The following UGT1A6 variants were observed in gnomAD, a reference collection of about 807,000 sequenced individuals.
UGT1A6 encodes UDP-glucuronosyltransferase 1A6.
Under a neutral mutation model 44.4 loss-of-function variants are expected in UGT1A6, and 32 were observed. That is an observed-to-expected ratio of 0.72 (90% confidence interval 0.54 to 0.97). The LOEUF is 0.97. UGT1A6 is among the 50% of genes least tolerant of loss of function. The pLI is 0.00. For synonymous variants in UGT1A6, 238 were observed against 248.5 expected (o/e 0.96, Z 0.40); for missense variants, 685 against 661.9 (o/e 1.03, Z -0.38).
chr2:233,768,157 G>GGTGTGTCC lies in UGT1A6; in HGVS notation c.1082-63_1082-62insGTGTGTCC, dbSNP rs1279074414. 1.9e-6 allele frequency: 3 copies of GGTGTGTCC among 1,612,962 alleles called. No homozygotes were observed. The African/African-American group carries it at 4.0e-5, about 22-fold the overall frequency. On this transcript the variant is annotated intron_variant, in intron 3 of 4. Transcript: ENST00000305139. ...GTCTTTGGAGTGTTTTCAGAACCTA[G>GGTGTGTCC]ATGTGTCCAGCTGTGAAACTCAGAG...
At position 233,769,266 on chromosome 2, in the gene UGT1A6, CA is replaced by C. The variant is rs1253780369; in HGVS notation, c.1301+830del. ...CTCAAATGTGGCCCTGAAAACGATT[CA>C]AAGGGCAAATGATTTCTGGATTAAA... is the stretch of plus-strand genomic sequence containing the variant. On this transcript the variant is annotated intron_variant, in intron 4 of 4. Coordinates refer to ENST00000305139, the MANE Select transcript of UGT1A6 (RefSeq NM_001072.4). The surrounding 1 kb of genome is among the most constrained non-coding windows in gnomAD (Gnocchi z 4.4). Among the ~76,000 whole-genome samples, 1 of 152,194 alleles carries C rather than the reference CA, an allele frequency of 6.6e-6. No individual in the cohort carries two copies. The highest frequency in any genetic ancestry group is 1.5e-5 in the Non-Finnish European group (1 of 68,034).
At chr2:233,695,416 G>A (rs2075286623) in intron 1 of UGT1A6, among the ~76,000 whole-genome samples, 1 of 143,254 alleles carries the variant, frequency 7.0e-6, no homozygotes, top group Non-Finnish European at 1.6e-5. Context: ...GAGCTACCGC[G>A]CCCGGCCTTC....
intron 1 of UGT1A6, among the ~76,000 whole-genome samples, chr2:233,704,481 T>A (rs555763956): frequency 1.3e-5 from 2 of 152,310 alleles, no homozygotes; most frequent in African/African-American, 2.4e-5. Flanking sequence ...CTCCCCTTTT[T>A]ATGATATTAT....
At position 233,718,978 on chromosome 2, in the gene UGT1A6, C is replaced by G. The variant is rs200639166; in HGVS notation, c.861+25113C>G. 2.5e-6 allele frequency: 4 copies of G among 1,614,214 alleles called. No individual in the cohort carries two copies. Among genetic ancestry groups the G allele is most frequent in the Admixed American group, 3.3e-5 (2 of 60,032 alleles). The stretch of plus-strand genomic sequence containing the variant: ...CGGGAGGCCTTGCGGGAGCTCCATG[C>G]CAGAGGCCACCAGGCGGTGGTCCTC... On this transcript the variant is annotated intron_variant, in intron 1 of 4. Coordinates refer to ENST00000305139, the MANE Select transcript of UGT1A6 (RefSeq NM_001072.4).
intron 1 of UGT1A6, chr2:233,760,635 A>G (rs1697508597): frequency 6.2e-7 from 1 of 1,614,006 alleles, no homozygotes; most frequent in African/African-American, 1.3e-5. Context: ...ACAAGAAAAT[A>G]AAAAAGGACT....
chr2:233,739,615 T>G (rs1449918072), intron 1 of UGT1A6, among the ~76,000 whole-genome samples: 1 of 152,228 alleles, frequency 6.6e-6, no homozygotes, highest in Non-Finnish European at 1.5e-5. Context: ...TTGGCCAGTT[T>G]CTCCCATTTG....
intron 1 of UGT1A6, among the ~76,000 whole-genome samples, chr2:233,695,554 A>G (rs1000632787): frequency 6.6e-6 from 1 of 151,596 alleles, no homozygotes; most frequent in Non-Finnish European, 1.5e-5. Flanking sequence ...AATTTTAACC[A>G]ACCATTTTCA....
At chr2:233,768,032 T>A in intron 3 of UGT1A6, 96 bp downstream of exon 3, 1 of 1,612,548 alleles carries the variant, frequency 6.2e-7, no homozygotes, top group Non-Finnish European at 8.5e-7. Flanking sequence ...AGCTTGAAAA[T>A]ATTATGGCCA....
At position 233,693,425 on chromosome 2, in the gene UGT1A6, G is replaced by C; in HGVS notation, c.421G>C (p.Glu141Gln). 1 of 1,614,078 alleles carries C rather than the reference G, an allele frequency of 6.2e-7. No homozygotes were observed. The highest frequency in any genetic ancestry group is 1.1e-5 in the South Asian group (1 of 91,058). ...CAGGGACACCCTGAACTTCTTTAAG[G>C]AGAGCAAGTTTGATGCTCTTTTCAC... ...QDRDTLNFFK[E>Q]SKFDALFTDP... is the part of the protein sequence containing the mutation. The change falls in exon 1 of 5, where the codon GAG becomes CAG. Residue 141 changes from glutamate to glutamine, a missense_variant. By Grantham distance (29) the Glu-to-Gln change is conservative. Coordinates refer to ENST00000305139, the MANE Select transcript of UGT1A6 (RefSeq NM_001072.4).
chr2:233,717,899 T>G, intron 1 of UGT1A6: 1 of 454,812 alleles, frequency 2.2e-6, no homozygotes, highest in Non-Finnish European at 4.4e-6. Flanking sequence ...ATCTTCAGGA[T>G]GAAATAAAGG....
intron 1 of UGT1A6, among the ~76,000 whole-genome samples, chr2:233,758,476 T>C (rs926458629): frequency 1.3e-5 from 2 of 152,218 alleles, no homozygotes; most frequent in Non-Finnish European, 2.9e-5. Context: ...AGGTTTAAAT[T>C]AAACTGTGAA....
At position 233,713,454 on chromosome 2, in the gene UGT1A6, C is replaced by A. The variant is rs776428029; in HGVS notation, c.861+19589C>A. 66 of 1,614,072 alleles carry A rather than the reference C, an allele frequency of 4.1e-5. 1 individual carries two copies. The highest frequency in any genetic ancestry group is 3.1e-4 in the South Asian group (28 of 91,036). ...TGATGTGGTTCTAACAGACCCCTTTCACCTCTGCGCGGCGGTGCTGGCTAA... is the reference window on the plus strand; with the variant it reads ...TGATGTGGTTCTAACAGACCCCTTTAACCTCTGCGCGGCGGTGCTGGCTAA... On this transcript the variant is annotated intron_variant, in intron 1 of 4. Transcript: ENST00000305139.
In UGT1A6 at chr2:233,760,686, C is replaced by G. The variant is rs1553620770; in HGVS notation, c.862-6348C>G. ...CTGGCTGTTCCCACTTACTGCACAACAAGGAGCTCATGGCCTCCCTGGCAG... is the reference window on the plus strand; with the variant it reads ...CTGGCTGTTCCCACTTACTGCACAAGAAGGAGCTCATGGCCTCCCTGGCAG... On this transcript the variant is annotated intron_variant, in intron 1 of 4. Transcript: ENST00000305139. 6 of 1,614,220 alleles carry G rather than the reference C, an allele frequency of 3.7e-6. No homozygotes were observed. The highest frequency in any genetic ancestry group is 4.5e-5 in the East Asian group (2 of 44,882).
At chr2:233,762,380 T>C (rs1370857903) in intron 1 of UGT1A6, among the ~76,000 whole-genome samples, 1 of 152,256 alleles carries the variant, frequency 6.6e-6, no homozygotes, top group Non-Finnish European at 1.5e-5. Context: ...AATATGTATA[T>C]AGAAACATAT....
intron 1 of UGT1A6, chr2:233,754,743 C>A (rs1442095371): frequency 4.1e-6 from 3 of 727,770 alleles, no homozygotes; most frequent in Middle Eastern, 2.7e-4. Flanking sequence ...GTAGGACATG[C>A]AGAAGGAAGA....
chr2:233,768,582 C>CTTTTTTTTTT (rs139595073), intron 4 of UGT1A6, 143 bp downstream of exon 4: 1 of 867,188 alleles, frequency 1.2e-6, no homozygotes, highest in Non-Finnish European at 1.4e-6. Flanking sequence ...TTTATTTCTT[C>CTTTTTTTTTT]TTTTTTTTTT....
intron 1 of UGT1A6, among the ~76,000 whole-genome samples, chr2:233,737,486 G>A (rs929571204): frequency 1.3e-5 from 2 of 152,176 alleles, no homozygotes; most frequent in African/African-American, 4.8e-5. Context: ...TCTAGGAAAG[G>A]GAAATCCCTC....
intron 1 of UGT1A6, among the ~76,000 whole-genome samples, chr2:233,752,970 T>C (rs1695100679): frequency 2.0e-5 from 3 of 152,220 alleles, no homozygotes; most frequent in South Asian, 2.1e-4. Context: ...ATGTAACCAA[T>C]TGTGTAGATA....
chr2:233,701,928 A>G (rs1360011790), intron 1 of UGT1A6, among the ~76,000 whole-genome samples: 1 of 152,208 alleles, frequency 6.6e-6, no homozygotes, highest in Non-Finnish European at 1.5e-5. Flanking sequence ...CATCACAATT[A>G]AAAGAACTAG....
Sources: gnomAD v4.1 joint callset for allele counts (sites outside exome capture counted in the v4.1 genomes callset) on GRCh38, gnomAD v4.1.1 for gene constraint, Gnocchi (gnomAD v3.1) non-coding constraint, MANE v1.5 for transcripts, NCBI Gene and HGNC (gene_info 2026-07-23, HGNC 2026-07-21) for gene names.